The following RSU1 variants were observed in gnomAD, a reference collection of about 807,000 sequenced individuals.
RSU1 encodes Ras suppressor protein 1.
In RSU1, 26 loss-of-function variants were observed where a neutral mutation model predicts 31.1. The ratio of observed to expected loss-of-function variants is 0.84; its 90% CI spans 0.61 to 1.16. The LOEUF (loss-of-function observed/expected upper bound fraction) is 1.16. Among genes scored for constraint, RSU1 ranks in the 50% most tolerant of loss-of-function variants. The probability of loss-of-function intolerance (pLI) is 0.00; values close to 1 mark genes in which losing one functional copy is unlikely to be tolerated. For synonymous variants in RSU1, 164 were observed against 136.3 expected, an observed-to-expected ratio of 1.20 and a Z score of -1.41; for missense variants, 320 against 339.1, an observed-to-expected ratio of 0.94 and a Z score of 0.44.
At chr10:16,795,812 G>C (rs1207246239) in intron 2 of RSU1, among the ~76,000 whole-genome samples, 1 of 152,052 alleles carries the variant, frequency 6.6e-6, no homozygotes, top group African/African-American at 2.4e-5. Flanking sequence ...CAGAAAATTG[G>C]GTGTATCTTC....
chr10:16,752,344 G>C (rs542893532), intron 7 of RSU1, among the ~76,000 whole-genome samples, 195 bp downstream of exon 7: 1 of 152,290 alleles, frequency 6.6e-6, no homozygotes, highest in Non-Finnish European at 1.5e-5. Flanking sequence ...TACAGCTGCA[G>C]AACACAGGAT....
chr10:16,722,141 C>T (rs1050387233), intron 7 of RSU1, among the ~76,000 whole-genome samples: 1 of 152,134 alleles, frequency 6.6e-6, no homozygotes. Flanking sequence ...ATTGTTATAA[C>T]TGATCTATTT....
At chr10:16,782,911 C>CA (rs751500679) in intron 2 of RSU1, among the ~76,000 whole-genome samples, 1 of 146,870 alleles carries the variant, frequency 6.8e-6, no homozygotes, top group African/African-American at 2.7e-5. Context: ...TAAATTTTTC[C>CA]TATTTTTTTT....
chr10:16,685,502 C>G (rs1211217791), intron 8 of RSU1, among the ~76,000 whole-genome samples: 1 of 152,066 alleles, frequency 6.6e-6, no homozygotes, highest in African/African-American at 2.4e-5. Flanking sequence ...GCTAAACAAG[C>G]GGTGGATTAT....
chr10:16,800,162 T>C (rs1838121978), intron 2 of RSU1, among the ~76,000 whole-genome samples: 1 of 152,150 alleles, frequency 6.6e-6, no homozygotes, highest in Non-Finnish European at 1.5e-5. Flanking sequence ...TCAGTTCCTT[T>C]TACCCAATGC....
chr10:16,695,157 T>TCGG lies in RSU1; in HGVS notation c.599-3_599-2insCCG. ...TCTGGCCAGTTAAATCCAAGTTTCCTGGGGGGGGGGAAAAAAAAAGTGAAG... is the reference window on the plus strand; with the variant it reads ...TCTGGCCAGTTAAATCCAAGTTTCCTCGGGGGGGGGGGGAAAAAAAAAGTGAAG... On this transcript the variant is annotated splice_polypyrimidine_tract_variant and splice_region_variant and intron_variant, in intron 7 of 8. Transcript: ENST00000345264. 1 of 1,202,572 alleles carries TCGG rather than the reference T, an allele frequency of 8.3e-7. No homozygotes were observed. Among genetic ancestry groups the TCGG allele is most frequent in the Non-Finnish European group, 1.1e-6 (1 of 890,704 alleles). The allele number at this position is 1,202,572 out of a possible 1,614,324, so 74.5% of individuals were successfully genotyped here.
intron 4 of RSU1, among the ~76,000 whole-genome samples, chr10:16,763,836 T>A (rs1191099716): frequency 1.3e-5 from 2 of 152,206 alleles, no homozygotes; most frequent in Non-Finnish European, 2.9e-5. Flanking sequence ...TAGATTATCA[T>A]TATTATTATT....
rs906553628 is a variant in RSU1 at position 16,592,123 on chromosome 10, G to A, written c.*1271C>T. The A allele has an allele frequency of 5.3e-5, 8 of 150,046 alleles. No individual in the cohort carries two copies. The highest frequency in any genetic ancestry group is 1.5e-5 in the Non-Finnish European group (1 of 67,986). 9.3% of individuals were successfully genotyped at this position (150,046 alleles called of 1,614,324 possible). A position where few individuals can be genotyped will look rare whatever the true frequency, so the allele number is the denominator to read the frequency against. ...CTGGTCTTGGGAGCTCAACTGGGAA[G>A]CCGAAAGGATACAGCAGAGATTTTA... is the stretch of plus-strand genomic sequence containing the variant. On this transcript the variant is annotated 3_prime_UTR_variant, in exon 9 of 9. Transcript: ENST00000345264.
intron 7 of RSU1, among the ~76,000 whole-genome samples, chr10:16,738,715 A>G (rs1350297092): frequency 2.0e-5 from 3 of 152,234 alleles, no homozygotes; most frequent in Admixed American, 6.5e-5. Context: ...AAATTATTTT[A>G]AGTTCCAGGA....
At chr10:16,617,408 G>A (rs956748792) in intron 8 of RSU1, among the ~76,000 whole-genome samples, 1 of 152,096 alleles carries the variant, frequency 6.6e-6, no homozygotes, top group Non-Finnish European at 1.5e-5. Context: ...TGGCCATACT[G>A]CCCAAAGTAA....
intron 8 of RSU1, among the ~76,000 whole-genome samples, chr10:16,643,006 CTTACT>C (rs1335676219): frequency 2.0e-5 from 3 of 152,088 alleles, no homozygotes; most frequent in African/African-American, 7.2e-5. Flanking sequence ...GTGTTTACTG[CTTACT>C]TTACTTAGGA....
intron 2 of RSU1, among the ~76,000 whole-genome samples, chr10:16,806,028 T>C (rs1164148085): frequency 1.3e-5 from 2 of 152,230 alleles, no homozygotes; most frequent in African/African-American, 4.8e-5. Context: ...CTGATAATGT[T>C]TCTTGCTTTG....
chr10:16,648,984 T>C (rs1174696014), intron 8 of RSU1, among the ~76,000 whole-genome samples: 1 of 152,134 alleles, frequency 6.6e-6, no homozygotes, highest in Non-Finnish European at 1.5e-5. Context: ...CTCTTTCCAG[T>C]AGATACTCTA....
intron 7 of RSU1, among the ~76,000 whole-genome samples, chr10:16,702,041 G>C (rs1276455119): frequency 6.6e-6 from 1 of 152,174 alleles, no homozygotes; most frequent in East Asian, 1.9e-4. Flanking sequence ...CCTTTTTATT[G>C]CTCAGGTAAT....
chr10:16,732,860 T>C (rs2131602055), intron 7 of RSU1, among the ~76,000 whole-genome samples: 1 of 152,294 alleles, frequency 6.6e-6, no homozygotes. Flanking sequence ...AATAAACATT[T>C]CATAGGTTCT....
At chr10:16,715,482 A>G (rs1002250695) in intron 7 of RSU1, among the ~76,000 whole-genome samples, 1 of 152,126 alleles carries the variant, frequency 6.6e-6, no homozygotes, top group African/African-American at 2.4e-5. Flanking sequence ...ATTCTTCTAT[A>G]TGTTATTAGG....
chr10:16,718,097 T>A (rs1325801704), intron 7 of RSU1, among the ~76,000 whole-genome samples: 50 of 136,196 alleles, frequency 3.7e-4, no homozygotes, highest in African/African-American at 1.0e-3. Flanking sequence ...TCAATTTATT[T>A]AAAAAAAAAA....
intron 8 of RSU1, among the ~76,000 whole-genome samples, chr10:16,675,135 G>A (rs1835202875): frequency 6.6e-6 from 1 of 151,372 alleles, no homozygotes; most frequent in South Asian, 2.1e-4. Context: ...GAATCCAGGA[G>A]GCGGAGGTTG....
chr10:16,722,779 T>C (rs35992837), intron 7 of RSU1, among the ~76,000 whole-genome samples: 16,890 of 146,620 alleles, frequency 0.12, 1,177 homozygotes, highest in Middle Eastern at 0.18. Context: ...TCTGTATATA[T>C]GTGTATGTGT....
Sources: allele counts gnomAD v4.1 joint callset (sites outside exome capture counted in the v4.1 genomes callset), GRCh38; gene constraint gnomAD v4.1.1; transcripts MANE v1.5; gene names NCBI Gene and HGNC (gene_info 2026-07-23, HGNC 2026-07-21).